GSTZ1: variants seen among roughly 807,000 people sequenced by gnomAD.
The protein encoded by GSTZ1 is glutathione S-transferase zeta 1.
Under a neutral mutation model 35.9 loss-of-function variants are expected in GSTZ1, and 34 were observed. The observed-to-expected ratio is 0.95, with a 90% CI of 0.72 to 1.26. The LOEUF is 1.26. Among genes scored for constraint, GSTZ1 ranks in the 50% most tolerant of loss-of-function variants. GSTZ1 has a pLI of 0.00. For missense variants in GSTZ1, 263 were observed against 271.7 expected (o/e 0.97, Z 0.23); for synonymous variants, 93 against 101.2 (o/e 0.92, Z 0.49).
intron 8 of GSTZ1, among the ~76,000 whole-genome samples, 157 bp from the exon 9 acceptor site, chr14:77,330,912 C>T (rs1212718258): frequency 6.6e-6 from 1 of 152,154 alleles, no homozygotes; most frequent in Non-Finnish European, 1.5e-5. Context: ...CTGCACAAGA[C>T]CTACCCATCC....
At chr14:77,330,611 G>A (rs1420285488) in intron 8 of GSTZ1, among the ~76,000 whole-genome samples, 2 of 152,148 alleles carry the variant, frequency 1.3e-5, no homozygotes, top group African/African-American at 4.8e-5. Flanking sequence ...TCACCTGGTG[G>A]ACCCCCAAGA....
chr14:77,322,225 A>C (rs1216251609), intron 1 of GSTZ1, among the ~76,000 whole-genome samples: 1 of 152,258 alleles, frequency 6.6e-6, no homozygotes, highest in African/African-American at 2.4e-5. Flanking sequence ...AATCTGCTAA[A>C]GTAATCAGAA....
rs1330770853 is a variant in GSTZ1, at chr14:77,331,514, T to TGTG, written c.*319_*320insGTG. On this transcript the variant is annotated 3_prime_UTR_variant, in exon 9 of 9. Transcript: ENST00000216465. ...CACCACGGGGAAGGCTGTGTGCCTT[T>TGTG]TCTCATCCGCTTTTGTTGTGTGTGA... 4 of 268,322 alleles carry TGTG rather than the reference T, an allele frequency of 1.5e-5. No individual in the cohort carries two copies. Among genetic ancestry groups the TGTG allele is most frequent in the Middle Eastern group, 2.2e-3 (2 of 898 alleles). 16.6% of individuals were successfully genotyped at this position (268,322 alleles called of 1,614,324 possible). A position where few individuals can be genotyped will look rare whatever the true frequency, so the allele number is the denominator to read the frequency against.
At position 77,331,243 on chromosome 14, in the gene GSTZ1, G is replaced by A; in HGVS notation, c.*48G>A. 1 of 1,582,192 alleles carries A rather than the reference G, an allele frequency of 6.3e-7. No individual in the cohort carries two copies. The highest frequency in any genetic ancestry group is 2.3e-5 in the East Asian group (1 of 44,344). On this transcript the variant is annotated 3_prime_UTR_variant, in exon 9 of 9. Transcript: ENST00000216465. Reference sequence around the variant, plus strand: ...CACAGGGCCACAGGAGCAGAAGCTGGGTGGGCTGAAGAGGCCTGGAAACGA... The same window carrying A: ...CACAGGGCCACAGGAGCAGAAGCTGAGTGGGCTGAAGAGGCCTGGAAACGA...
chr14:77,321,528 C>T (rs1891976311), intron 1 of GSTZ1: 3 of 1,324,458 alleles, frequency 2.3e-6, no homozygotes, highest in African/African-American at 1.5e-5. Context: ...CAATTTCTCG[C>T]AGCCCTTCAT....
chr14:77,321,403 T>C, intron 1 of GSTZ1: 1 of 1,529,148 alleles, frequency 6.5e-7, no homozygotes. Flanking sequence ...TGGTAGGGAG[T>C]GCGTAGCAGG....
rs2139586586 is a variant in GSTZ1 at position 77,331,249 on chromosome 14, C to T, written c.*54C>T. The T allele has an allele frequency of 6.4e-7, 1 of 1,566,428 alleles. No individual in the cohort carries two copies. Among genetic ancestry groups the T allele is most frequent in the East Asian group, 2.3e-5 (1 of 44,200 alleles). On this transcript the variant is annotated 3_prime_UTR_variant, in exon 9 of 9. Transcript: ENST00000216465. ...GCCACAGGAGCAGAAGCTGGGTGGG[C>T]TGAAGAGGCCTGGAAACGAGAGTCT... is the stretch of plus-strand genomic sequence containing the variant.
Position 77,328,860 on chromosome 14 carries a change from A to G in GSTZ1, c.343-263A>G, listed in dbSNP as rs1892467797. Reference sequence around the variant, plus strand: ...CATGGCCGCGTCCTGTGTCACATGAATAGGGATTCTTGCACATCTCTGACA... The same window carrying G: ...CATGGCCGCGTCCTGTGTCACATGAGTAGGGATTCTTGCACATCTCTGACA... On this transcript the variant is annotated intron_variant, in intron 5 of 8. Coordinates refer to ENST00000216465, the MANE Select transcript of GSTZ1 (RefSeq NM_145870.3). The G allele has an allele frequency of 2.2e-5, 12 of 539,848 alleles. No homozygotes were observed. In the South Asian group the frequency reaches 2.5e-4, roughly 11 times the overall value. 33.4% of individuals were successfully genotyped at this position (539,848 alleles called of 1,614,324 possible).
chr14:77,321,134 C>G lies in GSTZ1; in HGVS notation c.-35C>G, dbSNP rs369732975. ...TCGGCAGGTCCCAGGCGCGAAGTTT[C>G]TCGGCCTGGAGGAGGGGGTCGCGCG... On this transcript the variant is annotated 5_prime_UTR_variant, in exon 1 of 9. Coordinates refer to ENST00000216465, the MANE Select transcript of GSTZ1 (RefSeq NM_145870.3). 58 of 1,445,434 alleles carry G rather than the reference C, an allele frequency of 4.0e-5. No individual in the cohort carries two copies. Among genetic ancestry groups the G allele is most frequent in the Non-Finnish European group, 5.0e-5 (55 of 1,094,180 alleles). The allele number at this position is 1,445,434 out of a possible 1,614,324, so 89.5% of individuals were successfully genotyped here. A position where few individuals can be genotyped will look rare whatever the true frequency, so the allele number is the denominator to read the frequency against.
intron 8 of GSTZ1, 146 bp from the exon 9 acceptor site, chr14:77,330,923 C>A: frequency 1.5e-6 from 1 of 686,576 alleles, no homozygotes; most frequent in East Asian, 2.5e-5. Flanking sequence ...CTACCCATCC[C>A]CTGTGAATAA....
At chr14:77,321,897 A>C (rs1892022903) in intron 1 of GSTZ1, among the ~76,000 whole-genome samples, 1 of 151,550 alleles carries the variant, frequency 6.6e-6, no homozygotes, top group Non-Finnish European at 1.5e-5. Context: ...AAAAAAAAAA[A>C]AGGCCCCGAG....
In GSTZ1 at chr14:77,326,897, G is replaced by T. The variant is rs769701487; in HGVS notation, c.127G>T (p.Gly43Cys). Residue 43 changes from glycine to cysteine, a missense_variant, in exon 3 of 9, where the codon GGC (glycine) becomes TGC (cysteine). Gly to Cys is a radical substitution (Grantham distance 159, BLOSUM62 -3). Coordinates refer to ENST00000216465, the MANE Select transcript of GSTZ1 (RefSeq NM_145870.3). ...GCCCATCAATCTCATAAAGGATGGG[G>T]GCCAACAGGTAAGAAGGCTGTGCCC... ...TVPINLIKDG[G>C]QQFSKDFQAL... is the part of the protein sequence containing the mutation. 7 of 1,600,742 alleles carry T rather than the reference G, an allele frequency of 4.4e-6. No homozygotes were observed. The highest frequency in any genetic ancestry group is 6.0e-6 in the Non-Finnish European group (7 of 1,171,428).
chr14:77,326,698 G>C, intron 2 of GSTZ1, 140 bp from the exon 3 acceptor site: 1 of 621,464 alleles, frequency 1.6e-6, no homozygotes, highest in Non-Finnish European at 2.9e-6. Context: ...AGGGGATAGT[G>C]CCACGGTGAG....
At chr14:77,321,355 T>C (rs768083573) in intron 1 of GSTZ1, 172 bp downstream of exon 1, 6 of 1,532,732 alleles carry the variant, frequency 3.9e-6, no homozygotes, top group Non-Finnish European at 4.4e-6. Context: ...CCGCTGGGGC[T>C]CGAAGTTCCG....
chr14:77,321,392 C>G (rs1017034954), intron 1 of GSTZ1: 9 of 1,529,602 alleles, frequency 5.9e-6, no homozygotes, highest in Non-Finnish European at 7.9e-6. Context: ...GGAGGCGGTC[C>G]TGGTAGGGAG....
At chr14:77,326,745 T>G in intron 2 of GSTZ1, 93 bp from the exon 3 acceptor site, 1 of 859,754 alleles carries the variant, frequency 1.2e-6, no homozygotes, top group East Asian at 2.7e-5. Context: ...AGCCTCCCCC[T>G]CTTTGGCCTT....
chr14:77,327,378 G>T (rs1892374170), intron 3 of GSTZ1, 94 bp from the exon 4 acceptor site: 3 of 742,300 alleles, frequency 4.0e-6, no homozygotes, highest in South Asian at 1.5e-5. Context: ...GGAGATGGGG[G>T]TGGGTGGCAG....
chr14:77,322,432 C>T (rs375277848), intron 1 of GSTZ1: 2 of 202,636 alleles, frequency 9.9e-6, no homozygotes, highest in Non-Finnish European at 1.8e-5. Flanking sequence ...GCAGCATTTA[C>T]CATGCTTCTG....
At chr14:77,328,961 C>G in intron 5 of GSTZ1, 162 bp from the exon 6 acceptor site, 1 of 540,738 alleles carries the variant, frequency 1.8e-6, no homozygotes, top group Non-Finnish European at 3.2e-6. Flanking sequence ...CCTCCAACCT[C>G]AGGGCCCTTG....
Sources: allele counts gnomAD v4.1 joint callset (sites outside exome capture counted in the v4.1 genomes callset), GRCh38; gene constraint gnomAD v4.1.1; transcripts MANE v1.5; gene names NCBI Gene and HGNC (gene_info 2026-07-23, HGNC 2026-07-21).